The following SLC12A8 variants were observed in gnomAD, a reference collection of about 807,000 sequenced individuals.
The protein encoded by SLC12A8 is solute carrier family 12 member 8, also known as cation-chloride cotransporter 9.
Under a neutral mutation model 75.6 loss-of-function variants are expected in SLC12A8, and 69 were observed. That is an observed-to-expected ratio of 0.91 (90% CI 0.75 to 1.11). SLC12A8 has a LOEUF of 1.11. SLC12A8 is among the 50% of genes most tolerant of loss of function. SLC12A8 has a pLI of 0.00. For missense variants in SLC12A8, 877 were observed against 896.7 expected (o/e 0.98, Z 0.28); for synonymous variants, 365 against 372.8 (o/e 0.98, Z 0.24).
chr3:125,188,233 C>G (rs1934834655), intron 3 of SLC12A8, among the ~76,000 whole-genome samples: 1 of 152,170 alleles, frequency 6.6e-6, no homozygotes, highest in Non-Finnish European at 1.5e-5. Flanking sequence ...TCTCCGGCTA[C>G]GTGGCACGCT....
chr3:125,121,298 A>C (rs1457172262), intron 6 of SLC12A8, among the ~76,000 whole-genome samples: 1 of 152,246 alleles, frequency 6.6e-6, no homozygotes, highest in Non-Finnish European at 1.5e-5. Context: ...GACCCACAGC[A>C]CAGTGCTGCA....
At chr3:125,148,780 G>A (rs1933848010) in intron 5 of SLC12A8, among the ~76,000 whole-genome samples, 1 of 152,142 alleles carries the variant, frequency 6.6e-6, no homozygotes, top group Non-Finnish European at 1.5e-5. Flanking sequence ...AGTGACTTGA[G>A]GGCACATATC....
chr3:125,118,644 T>G (rs1467162455), intron 8 of SLC12A8, 125 bp downstream of exon 8: 1 of 644,734 alleles, frequency 1.6e-6, no homozygotes, highest in Non-Finnish European at 2.7e-6. Context: ...ATAAATTAAT[T>G]AAATTTTAAA....
At chr3:125,135,893 G>T in intron 5 of SLC12A8, 111 bp from the exon 6 acceptor site, 2 of 591,308 alleles carry the variant, frequency 3.4e-6, no homozygotes, top group Non-Finnish European at 5.8e-6. Context: ...AAAGGTAGGG[G>T]CATGTATGTG....
At chr3:125,117,996 C>T (rs1196096338) in intron 8 of SLC12A8, among the ~76,000 whole-genome samples, 1 of 152,248 alleles carries the variant, frequency 6.6e-6, no homozygotes, top group Admixed American at 6.5e-5. Context: ...CCTCGGCCCT[C>T]ACCCTGGCAC....
chr3:125,179,858 C>G (rs1379069711), intron 4 of SLC12A8, among the ~76,000 whole-genome samples: 4 of 152,140 alleles, frequency 2.6e-5, no homozygotes, highest in Admixed American at 6.5e-5. Context: ...GCCAGGTCAA[C>G]AGGACTCTTC....
chr3:125,155,462 T>A (rs536723234), intron 5 of SLC12A8, among the ~76,000 whole-genome samples: 9 of 152,024 alleles, frequency 5.9e-5, no homozygotes, highest in African/African-American at 2.2e-4. Context: ...TGACATAATT[T>A]TCTGATGGCT....
chr3:125,126,642 G>C (rs1363065029), intron 6 of SLC12A8, among the ~76,000 whole-genome samples: 1 of 152,122 alleles, frequency 6.6e-6, no homozygotes, highest in Non-Finnish European at 1.5e-5. Flanking sequence ...AATCCCAACA[G>C]TTTTTCTAGG....
At chr3:125,092,832 C>G (rs946131483) in intron 10 of SLC12A8, among the ~76,000 whole-genome samples, 3 of 152,198 alleles carry the variant, frequency 2.0e-5, no homozygotes, top group Admixed American at 2.0e-4. Context: ...CTATTCAGCT[C>G]TGCATTCTCA....
At chr3:125,184,394 T>A (rs1229942017) in intron 4 of SLC12A8, among the ~76,000 whole-genome samples, 1 of 152,184 alleles carries the variant, frequency 6.6e-6, no homozygotes, top group East Asian at 1.9e-4. Flanking sequence ...GTAAATAAAG[T>A]TTTATTGGGA....
chr3:125,096,360 A>G (rs1938711732), intron 10 of SLC12A8, among the ~76,000 whole-genome samples: 1 of 152,198 alleles, frequency 6.6e-6, no homozygotes, highest in Non-Finnish European at 1.5e-5. Context: ...ACATCACAGT[A>G]TGGTATTTGC....
At chr3:125,136,189 C>T (rs918527640) in intron 5 of SLC12A8, among the ~76,000 whole-genome samples, 1 of 152,188 alleles carries the variant, frequency 6.6e-6, no homozygotes, top group African/African-American at 2.4e-5. Context: ...CTAATAGCTA[C>T]AGAATCAAGT....
At chr3:125,092,359 C>T (rs1349070957) in intron 10 of SLC12A8, among the ~76,000 whole-genome samples, 161 bp from the exon 11 acceptor site, 2 of 152,152 alleles carry the variant, frequency 1.3e-5, no homozygotes, top group Non-Finnish European at 2.9e-5. Flanking sequence ...GTGTTTATGG[C>T]CTCCCACCAG....
chr3:125,194,754 T>C (rs1302054122), intron 2 of SLC12A8, among the ~76,000 whole-genome samples: 1 of 152,186 alleles, frequency 6.6e-6, no homozygotes, highest in African/African-American at 2.4e-5. Context: ...CCTGCCCCTT[T>C]CTCCCAAAGT....
chr3:125,147,043 G>C (rs114694164), intron 5 of SLC12A8, among the ~76,000 whole-genome samples: 2,334 of 152,316 alleles, frequency 0.015, 21 homozygotes, highest in Non-Finnish European at 0.025. Context: ...TTTACTCAAG[G>C]GCAAGGTGTG....
intron 5 of SLC12A8, among the ~76,000 whole-genome samples, chr3:125,164,407 T>A (rs1934243464): frequency 1.3e-5 from 2 of 152,198 alleles, no homozygotes; most frequent in African/African-American, 2.4e-5. Flanking sequence ...AATAGAATAA[T>A]CTATGCAAAG....
In SLC12A8 at chr3:125,083,987, A is replaced by G; in HGVS notation, c.2048T>C (p.Met683Thr). The G allele has an allele frequency of 6.2e-7, 1 of 1,613,640 alleles. No homozygotes were observed. The highest frequency in any genetic ancestry group is 8.5e-7 in the Non-Finnish European group (1 of 1,179,890). ...APSLAKVDME[M>T]TQLTQENADF... ...TGCATTCTCCTGGGTGAGCTGAGTC[A>G]TCTCCATGTCAACCTTAGCCAGGGA... is the stretch of plus-strand genomic sequence containing the variant. Residue 683 changes from methionine (M) to threonine (T), a missense_variant, in exon 14 of 14, where the codon ATG becomes ACG. Transcript: ENST00000469902.
chr3:125,122,170 T>C (rs1933076351), intron 6 of SLC12A8, among the ~76,000 whole-genome samples: 1 of 152,150 alleles, frequency 6.6e-6, no homozygotes, highest in African/African-American at 2.4e-5. Context: ...ACAGAACACA[T>C]GGTATGATCC....
intron 2 of SLC12A8, among the ~76,000 whole-genome samples, chr3:125,204,767 G>A (rs963243552): frequency 9.2e-5 from 14 of 152,198 alleles, no homozygotes; most frequent in African/African-American, 3.4e-4. Context: ...AATATTTGAG[G>A]TGATGGATAC....
Sources: allele counts gnomAD v4.1 joint callset (sites outside exome capture counted in the v4.1 genomes callset), GRCh38; gene constraint gnomAD v4.1.1; transcripts MANE v1.5; gene names NCBI Gene and HGNC (gene_info 2026-07-23, HGNC 2026-07-21).